The following IGF2R variants were observed in gnomAD, a reference collection of about 807,000 sequenced individuals.
IGF2R encodes the protein insulin like growth factor 2 receptor.
Under a neutral mutation model 270.6 loss-of-function variants are expected in IGF2R, and 91 were observed. That is an observed-to-expected ratio of 0.34 (90% confidence interval 0.28 to 0.40). The LOEUF (loss-of-function observed/expected upper bound fraction) is 0.40. IGF2R is among the 10% of genes least tolerant of loss of function. The pLI, the probability that IGF2R is intolerant of heterozygous loss-of-function variation, is 1.00. For missense variants in IGF2R, 2,805 were observed against 3,188.3 expected (o/e 0.88, Z 2.90); for synonymous variants, 1,316 against 1,258.9 (o/e 1.05, Z -0.96).
Position 160,032,975 on chromosome 6 carries a change from T to C in IGF2R, c.1079T>C (p.Leu360Ser). 2 of 1,601,302 alleles carry C rather than the reference T, an allele frequency of 1.2e-6. No homozygotes were observed. Among genetic ancestry groups the C allele is most frequent in the Non-Finnish European group, 1.7e-6 (2 of 1,168,802 alleles). Residue 360 changes from leucine to serine, a missense_variant, in exon 9 of 48, where the codon TTG (leucine) becomes TCG (serine). Around this residue, in one of 2 missense-constraint regions of IGF2R, gnomAD observed 954 missense variants for 981.1 expected, o/e 0.97. Coordinates refer to ENST00000356956, the MANE Select transcript of IGF2R (RefSeq NM_000876.4). ...TATATTTCAGATGGAAAAGAATATT[T>C]GTTTTATTTGAATGTCTGTGGAGAA... ...SSYISDGKEY[L>S]FYLNVCGETE...
At chr6:160,010,820 G>A (rs746713882) in intron 4 of IGF2R, 35 bp downstream of exon 4, 3 of 1,211,814 alleles carry the variant, frequency 2.5e-6, no homozygotes, top group Non-Finnish European at 3.7e-6. Flanking sequence ...TGCTTATGAA[G>A]TATACTCTGG....
At chr6:160,082,112 A>T (rs1778996196) in intron 39 of IGF2R, among the ~76,000 whole-genome samples, 1 of 152,246 alleles carries the variant, frequency 6.6e-6, no homozygotes, top group Non-Finnish European at 1.5e-5. Flanking sequence ...CGGCTTCAGC[A>T]GGTCCCTCCG....
Position 160,045,864 on chromosome 6 carries a change from G to C in IGF2R, c.1885G>C (p.Val629Leu). ...TAAGACAGAAGGGGAGAACTGCACG[G>C]TCTTTGACTCCCAGGCAGGTCTGTG... ...LSKTEGENCT[V>L]FDSQAGFSFD... is the part of the protein sequence containing the mutation. The change falls in exon 14 of 48, where the codon GTC becomes CTC. Residue 629 changes from valine (V) to leucine (L), a missense_variant. Transcript: ENST00000356956. The C allele has an allele frequency of 6.3e-7, 1 of 1,578,290 alleles. No homozygotes were observed. The highest frequency in any genetic ancestry group is 1.2e-5 in the South Asian group (1 of 85,740).
In IGF2R at chr6:160,064,886, C is replaced by CTGAA; in HGVS notation, c.4103_4106dup (p.Cys1369Ter). On this transcript the variant is annotated frameshift_variant, in exon 29 of 48. Transcript: ENST00000356956. LOFTEE classifies it high-confidence loss of function. ...TATGCCTGCCCACCTTTCGATCTGA[C>CTGAA]TGAATGTTCATTCAAGTAAGTCCAT... The CTGAA allele has an allele frequency of 6.2e-7, 1 of 1,607,158 alleles. No individual in the cohort carries two copies. The highest frequency in any genetic ancestry group is 8.5e-7 in the Non-Finnish European group (1 of 1,173,496).
chr6:160,065,767 C>A (rs1778556699), intron 29 of IGF2R, among the ~76,000 whole-genome samples: 1 of 124,644 alleles, frequency 8.0e-6, no homozygotes, highest in Admixed American at 8.4e-5. Context: ...AAGCATTTTT[C>A]CTAGAGATAT....
At position 160,044,551 on chromosome 6, in the gene IGF2R, C is replaced by G; in HGVS notation, c.1659C>G (p.Ser553=). The change falls in exon 13 of 48, where the codon TCC becomes TCG. Residue 553 remains serine, a synonymous_variant. Transcript: ENST00000356956. The part of the protein sequence containing the change: ...NGSKNLGKFI[S]SPMKEKGNIQ... ...GTAAAAATCTGGGAAAATTTATTTCCTCTCCCATGAAAGAGAAAGGAAACA... is the reference window on the plus strand; with the variant it reads ...GTAAAAATCTGGGAAAATTTATTTCGTCTCCCATGAAAGAGAAAGGAAACA... 6.2e-7 allele frequency: 1 copy of G among 1,606,974 alleles called. No homozygotes were observed. Among genetic ancestry groups the G allele is most frequent in the African/African-American group, 1.3e-5 (1 of 74,754 alleles).
At chr6:160,027,403 A>T in intron 6 of IGF2R, 89 bp downstream of exon 6, 1 of 1,423,740 alleles carries the variant, frequency 7.0e-7, no homozygotes. Flanking sequence ...CTTTTTCAGC[A>T]AGGCTTGGGA....
At chr6:159,992,201 G>A (rs1783989195) in intron 2 of IGF2R, among the ~76,000 whole-genome samples, 1 of 152,208 alleles carries the variant, frequency 6.6e-6, no homozygotes, top group Non-Finnish European at 1.5e-5. Flanking sequence ...TACTGTGGTA[G>A]CTCTGTCATT....
At chr6:159,989,171 T>C (rs117907182) in intron 1 of IGF2R, among the ~76,000 whole-genome samples, 362 of 152,298 alleles carry the variant, frequency 2.4e-3, no homozygotes, top group Non-Finnish European at 4.1e-3. Context: ...TGAAGGCCTA[T>C]GTGTGCGGTT....
intron 41 of IGF2R, among the ~76,000 whole-genome samples, chr6:160,086,902 C>T (rs1583300350): frequency 1.3e-5 from 2 of 152,074 alleles, no homozygotes; most frequent in African/African-American, 4.8e-5. Flanking sequence ...GGGTGGAAGG[C>T]ACCTGCTTCC....
At chr6:160,093,644 T>C (rs1779281289) in intron 44 of IGF2R, 1 of 735,772 alleles carries the variant, frequency 1.4e-6, no homozygotes, top group Non-Finnish European at 2.6e-6. Context: ...CCAGGTAAAC[T>C]TCCGTGGATT....
intron 1 of IGF2R, among the ~76,000 whole-genome samples, chr6:159,986,377 G>A (rs1001946112): frequency 2.0e-5 from 3 of 150,742 alleles, no homozygotes; most frequent in Non-Finnish European, 2.9e-5. Context: ...GACTATAAGC[G>A]TGCGCGACCA....
chr6:160,073,428 CTCT>C lies in IGF2R; in HGVS notation c.4913_4915del (p.Phe1638del). ...CTCCCTGGACAAGCAGACATGCACT[CTCT>C]TCTTCTCCTGGCACACGCCGCTGGC... On this transcript the variant is annotated inframe_deletion, in exon 34 of 48. Transcript: ENST00000356956. The C allele has an allele frequency of 1.9e-6, 3 of 1,614,288 alleles. No individual in the cohort carries two copies. Among genetic ancestry groups the C allele is most frequent in the Non-Finnish European group, 2.5e-6 (3 of 1,180,056 alleles).
intron 42 of IGF2R, among the ~76,000 whole-genome samples, chr6:160,088,678 T>C (rs1238163506): frequency 1.3e-5 from 2 of 152,184 alleles, no homozygotes; most frequent in Non-Finnish European, 2.9e-5. Flanking sequence ...ACTCAGAAAT[T>C]GCCAAAGGAT....
chr6:159,996,725 T>A (rs925594984), intron 2 of IGF2R, among the ~76,000 whole-genome samples: 10 of 152,216 alleles, frequency 6.6e-5, no homozygotes, highest in African/African-American at 2.4e-4. Flanking sequence ...GAGAGACACC[T>A]GTCCATGGCT....
In IGF2R at chr6:160,056,286, A is replaced by T. The variant is rs1321288184; in HGVS notation, c.2695-138A>T. On this transcript the variant is annotated intron_variant, in intron 19 of 47. Transcript: ENST00000356956. ...AAATTCTAATTAGGTAATGCACATTAAGTGCCTAGCTTATTGGCTGACTCA... is the reference window on the plus strand; with the variant it reads ...AAATTCTAATTAGGTAATGCACATTTAGTGCCTAGCTTATTGGCTGACTCA... The T allele has an allele frequency of 6.1e-6, 4 of 653,966 alleles. No individual in the cohort carries two copies. The East Asian group carries it at 1.1e-4, about 18-fold the overall frequency. 40.5% of individuals were successfully genotyped at this position (653,966 alleles called of 1,614,324 possible). A position where few individuals can be genotyped will look rare whatever the true frequency, so the allele number is the denominator to read the frequency against.
At chr6:160,061,391 AG>A in intron 23 of IGF2R, 111 bp from the exon 24 acceptor site, 1 of 933,842 alleles carries the variant, frequency 1.1e-6, no homozygotes, top group South Asian at 1.6e-5. Context: ...TTATCCTCAC[AG>A]TTAGGAATGC....
rs1778172192 is a variant in IGF2R at position 160,050,556 on chromosome 6, T to C, written c.2598T>C (p.Leu866=). The C allele has an allele frequency of 6.2e-7, 1 of 1,614,124 alleles. No homozygotes were observed. The highest frequency in any genetic ancestry group is 1.1e-5 in the South Asian group (1 of 91,070). The part of the protein sequence containing the change: ...GPVVEDSGSL[L]LEYVNGSACT... ...TGGTTGAGGACAGCGGCAGCCTCCT[T>C]CTGGAATACGTGAATGGGTCGGCCT... is the stretch of plus-strand genomic sequence containing the variant. Residue 866 remains leucine (L), a synonymous_variant, in exon 19 of 48, where the codon CTT becomes CTC. Coordinates refer to ENST00000356956, the MANE Select transcript of IGF2R (RefSeq NM_000876.4). The surrounding 1 kb of genome is among the most constrained non-coding windows in gnomAD (Gnocchi z 4.0).
chr6:160,027,341 G>A, intron 6 of IGF2R, 27 bp downstream of exon 6: 2 of 1,590,338 alleles, frequency 1.3e-6, no homozygotes, highest in Non-Finnish European at 1.7e-6. Flanking sequence ...GATGCTGTTG[G>A]CGTTTTTAAT....
Sources: gnomAD v4.1 joint callset for allele counts (sites outside exome capture counted in the v4.1 genomes callset) on GRCh38, gnomAD v4.1.1 for gene constraint, gnomAD v4.1.1 regional missense constraint, Gnocchi (gnomAD v3.1) non-coding constraint, MANE v1.5 for transcripts, NCBI Gene and HGNC (gene_info 2026-07-23, HGNC 2026-07-21) for gene names.